The following CALN1 variants were observed in gnomAD, a reference collection of about 807,000 sequenced individuals.
The protein encoded by CALN1 is calneuron 1.
CALN1 carries 17 observed loss-of-function variants against 30.6 expected under a neutral mutation model. The observed-to-expected ratio is 0.56, with a 90% CI of 0.38 to 0.83. The LOEUF is 0.83. Among genes scored for constraint, CALN1 ranks in the 40% least tolerant of loss-of-function variants. The pLI is 0.00. For missense variants in CALN1, 291 were observed against 354.9 expected (o/e 0.82, Z 1.45); for synonymous variants, 156 against 131.4 (o/e 1.19, Z -1.28).
chr7:72,026,414 C>T (rs59381375), intron 4 of CALN1, among the ~76,000 whole-genome samples: 34,848 of 151,894 alleles, frequency 0.23, 5,337 homozygotes, highest in African/African-American at 0.43. Context: ...GGTGAAACCC[C>T]ATCTCTACAA....
the CALN1 span, among the ~76,000 whole-genome samples, chr7:72,497,215 G>A: frequency 6.6e-6 from 1 of 152,154 alleles, no homozygotes; most frequent in Non-Finnish European, 1.5e-5. Context: ...CAAAGCGGGT[G>A]GATCACCTGA....
intron 3 of CALN1, among the ~76,000 whole-genome samples, chr7:72,274,787 T>C (rs1234962510): frequency 1.3e-5 from 2 of 152,056 alleles, no homozygotes; most frequent in Non-Finnish European, 2.9e-5. Context: ...TGAATAAAAA[T>C]GGATGAATGA....
chr7:72,459,279 G>A, the CALN1 span, among the ~76,000 whole-genome samples: 2 of 152,184 alleles, frequency 1.3e-5, no homozygotes, highest in Non-Finnish European at 2.9e-5. Context: ...CCTCACACCT[G>A]TGAAATTCTA....
chr7:72,071,070 C>T (rs936720819), intron 4 of CALN1, among the ~76,000 whole-genome samples: 5 of 152,172 alleles, frequency 3.3e-5, no homozygotes, highest in Non-Finnish European at 5.9e-5. Flanking sequence ...TGAAGGCTTG[C>T]AACTTCCAGG....
chr7:72,482,467 T>G, the CALN1 span, among the ~76,000 whole-genome samples: 3 of 152,162 alleles, frequency 2.0e-5, no homozygotes, highest in African/African-American at 4.8e-5. Context: ...TTCTTTTGAA[T>G]GAATTGAATT....
At chr7:72,232,098 G>C (rs916614620) in intron 3 of CALN1, among the ~76,000 whole-genome samples, 2 of 152,150 alleles carry the variant, frequency 1.3e-5, no homozygotes, top group Non-Finnish European at 2.9e-5. Context: ...AAGACAAAAG[G>C]CTGGCTCATG....
At chr7:72,499,714 T>G in the CALN1 span, among the ~76,000 whole-genome samples, 1 of 152,178 alleles carries the variant, frequency 6.6e-6, no homozygotes, top group South Asian at 2.1e-4. Flanking sequence ...AAAAAATTAT[T>G]TTTTAAGAAT....
intron 5 of CALN1, among the ~76,000 whole-genome samples, chr7:71,920,644 G>GT (rs943502397): frequency 6.6e-6 from 1 of 151,954 alleles, no homozygotes; most frequent in African/African-American, 2.4e-5. Flanking sequence ...CGACAAATTA[G>GT]TTTTTTTATG....
At chr7:72,283,382 A>T in intron 2 of CALN1, among the ~76,000 whole-genome samples, 1 of 152,088 alleles carries the variant, frequency 6.6e-6, no homozygotes, top group East Asian at 1.9e-4. Flanking sequence ...AAAAATAAAA[A>T]AATTTAGCTG....
the CALN1 span, among the ~76,000 whole-genome samples, chr7:72,501,928 A>AAAAAAAAAAATATATAT: frequency 3.5e-5 from 2 of 57,968 alleles, 1 homozygote; most frequent in Non-Finnish European, 6.1e-5. Flanking sequence ...AAAAAAAAAA[A>AAAAAAAAAAATATATAT]ATATATATAT....
intron 3 of CALN1, among the ~76,000 whole-genome samples, chr7:72,257,109 C>T (rs1377091107): frequency 1.3e-5 from 2 of 152,192 alleles, no homozygotes; most frequent in African/African-American, 4.8e-5. Context: ...AAGCAAGGCA[C>T]ATCTTACATG....
chr7:72,055,681 T>C (rs1803207967), intron 4 of CALN1, among the ~76,000 whole-genome samples: 1 of 152,162 alleles, frequency 6.6e-6, no homozygotes, highest in Non-Finnish European at 1.5e-5. Flanking sequence ...TTTAAAACTT[T>C]TGTGAAATGA....
intron 3 of CALN1, among the ~76,000 whole-genome samples, chr7:72,191,426 AC>A (rs1328046424): frequency 1.3e-5 from 2 of 151,968 alleles, no homozygotes; most frequent in African/African-American, 2.4e-5. Flanking sequence ...ACACAGTGAA[AC>A]CCCGTCTGTA....
intron 2 of CALN1, among the ~76,000 whole-genome samples, chr7:72,347,088 C>G (rs1232875314): frequency 1.3e-5 from 2 of 152,026 alleles, no homozygotes. Flanking sequence ...GGGGTGGATG[C>G]AATGCTGGCT....
At chr7:72,378,577 C>T (rs188943077) in intron 2 of CALN1, among the ~76,000 whole-genome samples, 6 of 152,222 alleles carry the variant, frequency 3.9e-5, no homozygotes, top group African/African-American at 1.2e-4. Context: ...CTTACCGGCA[C>T]GTAAGTCCTT....
At chr7:72,336,798 G>T (rs1043875062) in intron 2 of CALN1, 1 of 984,894 alleles carries the variant, frequency 1.0e-6, no homozygotes, top group African/African-American at 1.7e-5. Context: ...GGGGCGGTGC[G>T]GAATGGATGC....
At chr7:71,849,167 TTTTATAAGTG>T (rs1468881115) in intron 5 of CALN1, among the ~76,000 whole-genome samples, 20 of 152,190 alleles carry the variant, frequency 1.3e-4, no homozygotes, top group African/African-American at 4.6e-4. Flanking sequence ...TGTGGCTTAT[TTTTATAAGTG>T]CTGCTGGGTG....
upstream of CALN1, among the ~76,000 whole-genome samples, chr7:72,413,305 G>A (rs930641644): frequency 6.2e-5 from 9 of 144,222 alleles, no homozygotes; most frequent in African/African-American, 1.8e-4. Flanking sequence ...ACACACACAC[G>A]TATACATACA....
At chr7:72,381,614 A>G (rs938651896) in intron 2 of CALN1, among the ~76,000 whole-genome samples, 3 of 151,990 alleles carry the variant, frequency 2.0e-5, no homozygotes, top group Non-Finnish European at 4.4e-5. Context: ...AAACCCGAAC[A>G]CCCCGTGTTC....
Sources: gnomAD v4.1 joint callset for allele counts (sites outside exome capture counted in the v4.1 genomes callset) on GRCh38, gnomAD v4.1.1 for gene constraint, MANE v1.5 for transcripts, NCBI Gene and HGNC (gene_info 2026-07-23, HGNC 2026-07-21) for gene names.